The following ITPR3 variants were observed in gnomAD, a reference collection of about 807,000 sequenced individuals.
ITPR3 encodes inositol 1,4,5-trisphosphate-gated calcium channel ITPR3.
ITPR3 carries 173 observed loss-of-function variants against 293.2 expected under a neutral mutation model. The ratio of observed to expected loss-of-function variants is 0.59; its 90% CI spans 0.52 to 0.67. The LOEUF is 0.67. Ranked by LOEUF, ITPR3 falls within the 30% of genes least tolerant of loss-of-function variation. The pLI is 0.00. For synonymous variants in ITPR3, 1,295 were observed against 1,444.4 expected, an observed-to-expected ratio of 0.90 and a Z score of 2.35; for missense variants, 2,796 against 3,592.1, an observed-to-expected ratio of 0.78 and a Z score of 5.66.
chr6:33,685,872 C>A (rs755854636), intron 41 of ITPR3, 45 bp downstream of exon 41: 8 of 1,545,500 alleles, frequency 5.2e-6, no homozygotes, highest in Non-Finnish European at 7.0e-6. Context: ...GCTGGCCAGC[C>A]GGCATGCAGA....
At position 33,632,444 on chromosome 6, in the gene ITPR3, C is replaced by G. The variant is rs1468968724; in HGVS notation, c.90-8040C>G. 3.3e-5 allele frequency among the ~76,000 whole-genome samples: 5 copies of G among 152,208 alleles called. No homozygotes were observed. The highest frequency in any genetic ancestry group is 4.8e-5 in the African/African-American group (2 of 41,448). On this transcript the variant is annotated intron_variant, in intron 1 of 57. Transcript: ENST00000605930. The surrounding 1 kb of genome is among the most constrained non-coding windows in gnomAD (Gnocchi z 4.1). ...AGACAGCACTGACCCACCCTGCTAC[C>G]TTTCCCATGGCGCCCACCTGGATCT...
At position 33,670,932 on chromosome 6, in the gene ITPR3, TC is replaced by T; in HGVS notation, c.2586+121del. ...ATCCATGACCCCACTTCCTTCTGTG[TC>T]CCCAGCCAGTGCAGGGGGACCGCAT... On this transcript the variant is annotated intron_variant, in intron 20 of 57. Transcript: ENST00000605930. The surrounding 1 kb of genome is among the most constrained non-coding windows in gnomAD (Gnocchi z 6.7). 1.4e-6 allele frequency: 2 copies of T among 1,400,120 alleles called. No individual in the cohort carries two copies. Among genetic ancestry groups the T allele is most frequent in the Non-Finnish European group, 1.9e-6 (2 of 1,026,890 alleles). The allele number at this position is 1,400,120 out of a possible 1,614,324, so 86.7% of individuals were successfully genotyped here.
chr6:33,690,230 GGGGGCAT>G, intron 51 of ITPR3, 32 bp downstream of exon 51: 1 of 1,598,626 alleles, frequency 6.3e-7, no homozygotes, highest in Non-Finnish European at 8.6e-7. Context: ...GGGGCTGGAT[GGGGGCAT>G]GGGGTGGTTG....
chr6:33,679,824 G>C lies in ITPR3; in HGVS notation c.3973-58G>C. 6.4e-7 allele frequency: 1 copy of C among 1,561,184 alleles called. No individual in the cohort carries two copies. Among genetic ancestry groups the C allele is most frequent in the Non-Finnish European group, 8.7e-7 (1 of 1,149,950 alleles). ...TTTCTCCCTGGTAAGCAACGGAGAG[G>C]AGAGCCCAGGGCTTGCTGGACCGAG... On this transcript the variant is annotated intron_variant, in intron 30 of 57. Coordinates refer to ENST00000605930, the MANE Select transcript of ITPR3 (RefSeq NM_002224.4). The surrounding 1 kb of genome is among the most constrained non-coding windows in gnomAD (Gnocchi z 4.2).
chr6:33,645,635 G>T (rs565769693), intron 2 of ITPR3, among the ~76,000 whole-genome samples: 199 of 152,314 alleles, frequency 1.3e-3, no homozygotes, highest in African/African-American at 4.6e-3. Flanking sequence ...GGCATGAGAA[G>T]TGACCCTGTG....
rs1764646465 is a variant in ITPR3 at position 33,667,669 on chromosome 6, G to A, written c.1714-123G>A. ...CTGCCCAGCGATGCTTCCTTTCCTG[G>A]ACCTCTGCCTTTCTAGGGTATTGGG... is the stretch of plus-strand genomic sequence containing the variant. On this transcript the variant is annotated intron_variant, in intron 15 of 57. Transcript: ENST00000605930. The surrounding 1 kb of genome is among the most constrained non-coding windows in gnomAD (Gnocchi z 4.4). 7 of 1,050,190 alleles carry A rather than the reference G, an allele frequency of 6.7e-6. No individual in the cohort carries two copies. In the Admixed American group the frequency reaches 1.9e-4, roughly 28 times the overall value. The allele number at this position is 1,050,190 out of a possible 1,614,324, so 65.1% of individuals were successfully genotyped here.
At position 33,692,624 on chromosome 6, in the gene ITPR3, G is replaced by T; in HGVS notation, c.7459-104G>T. 1 of 1,142,440 alleles carries T rather than the reference G, an allele frequency of 8.8e-7. No homozygotes were observed. The highest frequency in any genetic ancestry group is 1.3e-6 in the Non-Finnish European group (1 of 796,902). The allele number at this position is 1,142,440 out of a possible 1,614,324, so 70.8% of individuals were successfully genotyped here. ...GAGGCCCTCATTTCCTTCTGCTAGG[G>T]GCTGGGTCCTCAATATCACAGCCCT... is the stretch of plus-strand genomic sequence containing the variant. On this transcript the variant is annotated intron_variant, in intron 54 of 57. Transcript: ENST00000605930. The surrounding 1 kb of genome is among the most constrained non-coding windows in gnomAD (Gnocchi z 4.2).
At chr6:33,659,655 C>T in intron 7 of ITPR3, 106 bp downstream of exon 7, 2 of 942,572 alleles carry the variant, frequency 2.1e-6, no homozygotes, top group South Asian at 1.4e-5. Context: ...CTTACCCTCT[C>T]CCCAGCTTTG....
Position 33,649,036 on chromosome 6 carries a change from G to T in ITPR3, c.161-6730G>T, listed in dbSNP as rs150079658. Among the ~76,000 whole-genome samples the T allele has an allele frequency of 2.3e-4, 35 of 152,160 alleles. No individual in the cohort carries two copies. The East Asian group carries it at 6.6e-3, about 29-fold the overall frequency. Reference sequence around the variant, plus strand: ...CTCTGCCTCAGCCTCCTGAGTAGCTGAGATTATAGGCTTGCGCCACCATGT... The same window carrying T: ...CTCTGCCTCAGCCTCCTGAGTAGCTTAGATTATAGGCTTGCGCCACCATGT... On this transcript the variant is annotated intron_variant, in intron 2 of 57. Coordinates refer to ENST00000605930, the MANE Select transcript of ITPR3 (RefSeq NM_002224.4).
chr6:33,669,063 A>G lies in ITPR3; in HGVS notation c.2096A>G (p.Lys699Arg), dbSNP rs1340084851. ...EEEVWLTWTDKNNEHHEKSVR... is the reference protein window; with the variant it reads ...EEEVWLTWTDRNNEHHEKSVR... ...GAAGTGTGGCTCACGTGGACTGACA[A>G]GAATAACGAGCATCATGAGAAGAGT... Residue 699 changes from lysine to arginine, a missense_variant, in exon 18 of 58, where the codon AAG becomes AGG. This residue lies in a region of ITPR3 where 955 missense variants were observed against 1,180.8 expected (regional missense o/e 0.81). Transcript: ENST00000605930. The G allele has an allele frequency of 6.2e-7, 1 of 1,614,206 alleles. No individual in the cohort carries two copies. Among genetic ancestry groups the G allele is most frequent in the Non-Finnish European group, 8.5e-7 (1 of 1,180,032 alleles).
intron 1 of ITPR3, among the ~76,000 whole-genome samples, chr6:33,634,955 C>G (rs1763783870): frequency 6.6e-6 from 1 of 152,090 alleles, no homozygotes; most frequent in African/African-American, 2.4e-5. Flanking sequence ...GCCCTGTGTA[C>G]CGGTCAAGAT....
chr6:33,625,561 C>T (rs905838688), intron 1 of ITPR3, among the ~76,000 whole-genome samples: 8 of 152,152 alleles, frequency 5.3e-5, no homozygotes, highest in Non-Finnish European at 7.3e-5. Context: ...AGAGGTAGCC[C>T]CAGACCCACA....
At position 33,683,165 on chromosome 6, in the gene ITPR3, C is replaced by T; in HGVS notation, c.4598-42C>T. ...GCCTGGCCTCTGGCTGGCTGAACTG[C>T]CCCCGCACCAGCACTCCAGCACTCC... On this transcript the variant is annotated intron_variant, in intron 34 of 57. Transcript: ENST00000605930. The surrounding 1 kb of genome is among the most constrained non-coding windows in gnomAD (Gnocchi z 4.5). 2 of 1,429,306 alleles carry T rather than the reference C, an allele frequency of 1.4e-6. 1 individual carries two copies. Among genetic ancestry groups the T allele is most frequent in the South Asian group, 3.0e-5 (2 of 67,524 alleles). 88.5% of individuals were successfully genotyped at this position (1,429,306 alleles called of 1,614,324 possible).
rs375175931 is a variant in ITPR3, at chr6:33,678,635, G to A, written c.3772-4G>A. ...CTCTTTCTGACAGATGCCCCCCACT[G>A]CAGCTCCTGGAGGCAGAGACCATGC... On this transcript the variant is annotated splice_polypyrimidine_tract_variant and splice_region_variant and intron_variant, in intron 29 of 57. Coordinates refer to ENST00000605930, the MANE Select transcript of ITPR3 (RefSeq NM_002224.4). 4 of 1,610,862 alleles carry A rather than the reference G, an allele frequency of 2.5e-6. No individual in the cohort carries two copies. Among genetic ancestry groups the A allele is most frequent in the Non-Finnish European group, 3.4e-6 (4 of 1,179,084 alleles).
In ITPR3 at chr6:33,641,264, G is replaced by A. The variant is rs139559011; in HGVS notation, c.160+710G>A. Among the ~76,000 whole-genome samples, 574 of 152,338 alleles carry A rather than the reference G, an allele frequency of 3.8e-3. 3 individuals carry two copies. Among genetic ancestry groups the A allele is most frequent in the African/African-American group, 9.1e-3 (379 of 41,578 alleles). ...GTGCTTACCTGTGAGGGCTGAGACC[G>A]ACTGACAGTCAGACAGACAGGTCCT... On this transcript the variant is annotated intron_variant, in intron 2 of 57. Coordinates refer to ENST00000605930, the MANE Select transcript of ITPR3 (RefSeq NM_002224.4).
rs150601751 is a variant in ITPR3 at position 33,641,096 on chromosome 6, C to T, written c.160+542C>T. On this transcript the variant is annotated intron_variant, in intron 2 of 57. Coordinates refer to ENST00000605930, the MANE Select transcript of ITPR3 (RefSeq NM_002224.4). ...TGGTGGGAAGTTGGTGAGAATTCACCTTGGGCAAGTGACTTCGTTCACGGG... is the reference window on the plus strand; with the variant it reads ...TGGTGGGAAGTTGGTGAGAATTCACTTTGGGCAAGTGACTTCGTTCACGGG... Among the ~76,000 whole-genome samples, 430 of 152,316 alleles carry T rather than the reference C, an allele frequency of 2.8e-3. 2 individuals carry two copies. Among genetic ancestry groups the T allele is most frequent in the African/African-American group, 9.4e-3 (392 of 41,570 alleles).
In ITPR3 at chr6:33,693,660, G is replaced by C. The variant is rs749864690; in HGVS notation, c.7740G>C (p.Lys2580Asn). 4 of 1,614,224 alleles carry C rather than the reference G, an allele frequency of 2.5e-6. No homozygotes were observed. The highest frequency in any genetic ancestry group is 3.4e-6 in the Non-Finnish European group (4 of 1,180,038). The part of the protein sequence containing the change: ...YFIVLVRVKN[K>N]TDYTGPESYV... ...TTGTGCTGGTCCGCGTGAAGAACAA[G>C]ACCGACTACACGGGCCCTGAGAGCT... Residue 2580 changes from lysine to asparagine, a missense_variant, in exon 56 of 58, where the codon AAG (lysine) becomes AAC (asparagine). Transcript: ENST00000605930.
Position 33,682,483 on chromosome 6 carries a change from G to T in ITPR3, c.4477-41G>T. The stretch of plus-strand genomic sequence containing the variant: ...CCTGGACCTGGGGTTGCCCAGGGTG[G>T]GGGCCTGGGCTGCAGCAGCGGGCTC... On this transcript the variant is annotated intron_variant, in intron 33 of 57. Coordinates refer to ENST00000605930, the MANE Select transcript of ITPR3 (RefSeq NM_002224.4). The surrounding 1 kb of genome is among the most constrained non-coding windows in gnomAD (Gnocchi z 5.4). The T allele has an allele frequency of 6.8e-7, 1 of 1,479,906 alleles. No individual in the cohort carries two copies. The highest frequency in any genetic ancestry group is 1.4e-5 in the South Asian group (1 of 70,608). The allele number at this position is 1,479,906 out of a possible 1,614,324, so 91.7% of individuals were successfully genotyped here.
chr6:33,667,048 G>T lies in ITPR3; in HGVS notation c.1552-81G>T. The stretch of plus-strand genomic sequence containing the variant: ...CTGGCTTTAGGGCAGAGTCAGTTGG[G>T]ACTCAGGGATGACTCCTGGGATGAC... On this transcript the variant is annotated intron_variant, in intron 14 of 57. Transcript: ENST00000605930. The surrounding 1 kb of genome is among the most constrained non-coding windows in gnomAD (Gnocchi z 4.4). 6.6e-7 allele frequency: 1 copy of T among 1,510,072 alleles called. No homozygotes were observed. Among genetic ancestry groups the T allele is most frequent in the Non-Finnish European group, 9.0e-7 (1 of 1,110,060 alleles). The allele number at this position is 1,510,072 out of a possible 1,614,324, so 93.5% of individuals were successfully genotyped here.
Sources: allele counts gnomAD v4.1 joint callset (sites outside exome capture counted in the v4.1 genomes callset), GRCh38; gene constraint gnomAD v4.1.1; regional missense constraint gnomAD v4.1.1; non-coding constraint Gnocchi (gnomAD v3.1); transcripts MANE v1.5; gene names NCBI Gene and HGNC (gene_info 2026-07-23, HGNC 2026-07-21).